The following MALRD1 variants were observed in gnomAD, a reference collection of about 807,000 sequenced individuals.
MALRD1 encodes the protein MAM and LDL-receptor class A domain-containing protein 1.
MALRD1 carries 247 observed loss-of-function variants against 242.1 expected under a neutral mutation model. The observed-to-expected ratio is 1.02, with a 90% CI of 0.92 to 1.13. MALRD1 has a LOEUF of 1.13. Among genes scored for constraint, MALRD1 ranks in the 50% most tolerant of loss-of-function variants. The pLI is 0.00. For synonymous variants in MALRD1, 995 were observed against 866.6 expected, an observed-to-expected ratio of 1.15 and a Z score of -2.60; for missense variants, 2,989 against 2,533.1, an observed-to-expected ratio of 1.18 and a Z score of -3.86.
intron 21 of MALRD1, among the ~76,000 whole-genome samples, chr10:19,288,139 C>T (rs1405572566): frequency 6.6e-6 from 1 of 151,680 alleles, no homozygotes. Context: ...TGCAGTGGCT[C>T]AATCTCAGCT....
At chr10:19,526,434 A>G (rs988945597) in intron 31 of MALRD1, among the ~76,000 whole-genome samples, 4 of 151,922 alleles carry the variant, frequency 2.6e-5, no homozygotes, top group East Asian at 1.9e-4. Context: ...TAGATATGCT[A>G]GAGTTTCAGA....
chr10:19,286,243 A>G (rs978734798), intron 21 of MALRD1, among the ~76,000 whole-genome samples: 7 of 150,070 alleles, frequency 4.7e-5, no homozygotes, highest in African/African-American at 1.5e-4. Context: ...AATACCTTTT[A>G]TTTCCTTCTC....
chr10:19,116,718 A>G (rs1208269270), intron 5 of MALRD1, among the ~76,000 whole-genome samples: 2 of 152,198 alleles, frequency 1.3e-5, no homozygotes, highest in Non-Finnish European at 2.9e-5. Flanking sequence ...TTATTCCACT[A>G]ATCATGTATC....
Position 19,650,681 on chromosome 10 carries a change from A to T in MALRD1, c.6137+34758A>T, listed in dbSNP as rs543546181. Among the ~76,000 whole-genome samples the T allele has an allele frequency of 3.3e-4, 51 of 152,286 alleles. No homozygotes were observed. The South Asian group carries it at 7.7e-3, about 23-fold the overall frequency. ...GTAGGAGATAGGGAGTTTCTCAATT[A>T]TAGGGAGGTGTAAAGTCAATAAAAG... On this transcript the variant is annotated intron_variant, in intron 36 of 39. Coordinates refer to ENST00000454679, the MANE Select transcript of MALRD1 (RefSeq NM_001142308.3).
intron 22 of MALRD1, among the ~76,000 whole-genome samples, chr10:19,324,818 G>A (rs545996243): frequency 1.9e-4 from 29 of 151,534 alleles, no homozygotes; most frequent in African/African-American, 6.5e-4. Context: ...ATTGTGTTAA[G>A]CCCTTTTTTC....
intron 13 of MALRD1, among the ~76,000 whole-genome samples, chr10:19,169,185 G>C (rs143071312): frequency 6.6e-6 from 1 of 152,134 alleles, no homozygotes; most frequent in East Asian, 1.9e-4. Context: ...ATCTCCCAGA[G>C]GGTGTCGTGT....
chr10:19,354,784 T>A (rs183183404), intron 26 of MALRD1, among the ~76,000 whole-genome samples: 1 of 152,270 alleles, frequency 6.6e-6, no homozygotes, highest in African/African-American at 2.4e-5. Context: ...ATGATAAATG[T>A]TTGAGGTGAT....
At chr10:19,297,255 A>G (rs968821988) in intron 21 of MALRD1, among the ~76,000 whole-genome samples, 2 of 151,756 alleles carry the variant, frequency 1.3e-5, no homozygotes, top group Non-Finnish European at 2.9e-5. Flanking sequence ...AAGTTCTGTG[A>G]ACTTTGTTTT....
chr10:19,184,807 C>T (rs1037109364), intron 14 of MALRD1, among the ~76,000 whole-genome samples: 16 of 152,126 alleles, frequency 1.1e-4, no homozygotes, highest in African/African-American at 2.2e-4. Context: ...CTTGGCCTCC[C>T]GAAGTGCTGA....
chr10:19,400,836 T>TG (rs2130852539), intron 28 of MALRD1, among the ~76,000 whole-genome samples: 2 of 152,110 alleles, frequency 1.3e-5, no homozygotes, highest in South Asian at 4.2e-4. Flanking sequence ...GTCAATATGG[T>TG]GAAACCCTAC....
At chr10:19,474,378 TAA>T (rs900158703) in intron 29 of MALRD1, among the ~76,000 whole-genome samples, 12 of 152,112 alleles carry the variant, frequency 7.9e-5, no homozygotes, top group Non-Finnish European at 1.5e-4. Context: ...GAGATTTGAG[TAA>T]AAGTGTCCAA....
chr10:19,147,619 G>A (rs1211569137), intron 11 of MALRD1, among the ~76,000 whole-genome samples: 1 of 152,070 alleles, frequency 6.6e-6, no homozygotes, highest in Non-Finnish European at 1.5e-5. Context: ...ACGATACCTG[G>A]ATGCACAAAG....
rs1491324992 is a variant in MALRD1 at position 19,655,528 on chromosome 10, G to GTA, written c.6138-36753_6138-36752insAT. ...TGTGTGTGTACATATATATGTGTGA[G>GTA]TGTATATATATATATATATATATAT... On this transcript the variant is annotated intron_variant, in intron 36 of 39. Transcript: ENST00000454679. Among the ~76,000 whole-genome samples the GTA allele has an allele frequency of 8.0e-4, 82 of 102,932 alleles. 1 individual carries two copies. Among genetic ancestry groups the GTA allele is most frequent in the African/African-American group, 2.3e-3 (63 of 27,798 alleles). The allele number at this position is 102,932 out of a possible 152,430, so 67.5% of individuals were successfully genotyped here.
chr10:19,204,965 T>C lies in MALRD1; in HGVS notation c.2278T>C (p.Ser760Pro). Residue 760 changes from serine (S) to proline (P), a missense_variant, in exon 17 of 40, where the codon TCA (serine) becomes CCA (proline). Transcript: ENST00000454679. ...LQLHMENSHD[S>P]TVIWRVLYNQ... ...GCTACATATGGAAAATTCTCATGAC[T>C]CAACAGTGATTTGGAGAGTATTATA... 1 of 1,550,668 alleles carries C rather than the reference T, an allele frequency of 6.4e-7. No homozygotes were observed. Among genetic ancestry groups the C allele is most frequent in the Non-Finnish European group, 8.7e-7 (1 of 1,146,970 alleles).
At chr10:19,321,828 T>C (rs1416780057) in intron 21 of MALRD1, among the ~76,000 whole-genome samples, 1 of 152,126 alleles carries the variant, frequency 6.6e-6, no homozygotes, top group African/African-American at 2.4e-5. Flanking sequence ...CTTTAGCAGG[T>C]TTTAAGAAGT....
chr10:19,077,697 T>C (rs1835359525), intron 2 of MALRD1, among the ~76,000 whole-genome samples: 1 of 151,982 alleles, frequency 6.6e-6, no homozygotes, highest in Non-Finnish European at 1.5e-5. Flanking sequence ...ATAGGTATTG[T>C]AGAGTAACTG....
chr10:19,617,662 T>C (rs1386672648), intron 36 of MALRD1, among the ~76,000 whole-genome samples: 1 of 151,938 alleles, frequency 6.6e-6, no homozygotes, highest in African/African-American at 2.4e-5. Context: ...TCCTACACTG[T>C]AGTAGTAAGG....
intron 36 of MALRD1, among the ~76,000 whole-genome samples, chr10:19,645,742 G>A (rs192768241): frequency 6.6e-6 from 1 of 152,128 alleles, no homozygotes; most frequent in Non-Finnish European, 1.5e-5. Context: ...GTGGGAGGAG[G>A]GGGGAGGGAT....
At chr10:19,440,302 T>A (rs1437647352) in intron 28 of MALRD1, among the ~76,000 whole-genome samples, 2 of 152,166 alleles carry the variant, frequency 1.3e-5, no homozygotes, top group Non-Finnish European at 2.9e-5. Context: ...TTGCATTTTA[T>A]TTTTGTTCTT....
Sources: allele counts gnomAD v4.1 joint callset (sites outside exome capture counted in the v4.1 genomes callset), GRCh38; gene constraint gnomAD v4.1.1; transcripts MANE v1.5; gene names NCBI Gene and HGNC (gene_info 2026-07-23, HGNC 2026-07-21).